Variants in SNX18 observed in about 807,000 individuals in gnomAD.
SNX18 encodes sorting nexin-18.
SNX18 carries 35 observed loss-of-function variants against 48.7 expected under a neutral mutation model. The ratio of observed to expected loss-of-function variants is 0.72; its 90% CI spans 0.55 to 0.95. The LOEUF is 0.95. SNX18 is among the 40% of genes least tolerant of loss of function. The pLI is 0.00. For synonymous variants in SNX18, 492 were observed against 384.7 expected, an observed-to-expected ratio of 1.28 and a Z score of -3.26; for missense variants, 824 against 871.0, an observed-to-expected ratio of 0.95 and a Z score of 0.68.
At position 54,543,412 on chromosome 5, in the gene SNX18, C is replaced by T. The variant is rs55696143; in HGVS notation, c.1855C>T (p.His619Tyr). ...KVTQKLEEAL[H>Y]KYDSV is the part of the protein sequence containing the mutation. ...TACCCAGAAGTTGGAAGAAGCTCTTCACAAATATGATAGTGTTTAATGACT... is the reference window on the plus strand; with the variant it reads ...TACCCAGAAGTTGGAAGAAGCTCTTTACAAATATGATAGTGTTTAATGACT... Residue 619 changes from histidine (H) to tyrosine (Y), a missense_variant, in exon 2 of 2, where the codon CAC becomes TAC. His to Tyr is a moderately conservative substitution (Grantham distance 83). This residue lies in a region of SNX18 where 443 missense variants were observed against 503.6 expected (regional missense o/e 0.88). Coordinates refer to ENST00000381410, the MANE Select transcript of SNX18 (RefSeq NM_001102575.2). 6.2e-7 allele frequency: 1 copy of T among 1,613,966 alleles called. No homozygotes were observed. Among genetic ancestry groups the T allele is most frequent in the Admixed American group, 1.7e-5 (1 of 59,992 alleles).
chr5:54,621,425 C>T, the SNX18 span, among the ~76,000 whole-genome samples: 1 of 152,158 alleles, frequency 6.6e-6, no homozygotes, highest in Admixed American at 6.5e-5. Context: ...GAATTTTGTT[C>T]TAGTAGCAGG....
the SNX18 span, among the ~76,000 whole-genome samples, chr5:54,594,597 C>T: frequency 0.71 from 107,562 of 152,148 alleles, 39,078 homozygotes; most frequent in East Asian, 0.85. Context: ...TTTTGGTACA[C>T]GTTAGGCAAA....
chr5:54,585,407 TCCATGGTTATACTTATAAAGCAG>T, the SNX18 span, among the ~76,000 whole-genome samples: 1 of 131,904 alleles, frequency 7.6e-6, no homozygotes, highest in Non-Finnish European at 1.5e-5. Context: ...GCAGGAAGAA[TCCATGGTTATACTTATAAAGCAG>T]CCTTTTGAAT....
At chr5:54,563,714 G>A in the SNX18 span, among the ~76,000 whole-genome samples, 5 of 152,090 alleles carry the variant, frequency 3.3e-5, no homozygotes, top group Admixed American at 2.0e-4. Flanking sequence ...AGTCTGATCT[G>A]ACCTCTAAAG....
At chr5:54,635,056 GA>G in the SNX18 span, among the ~76,000 whole-genome samples, 4 of 151,634 alleles carry the variant, frequency 2.6e-5, no homozygotes, top group Non-Finnish European at 5.9e-5. Flanking sequence ...TATTTTTCTA[GA>G]AAAATATATT....
chr5:54,619,750 T>G, the SNX18 span, among the ~76,000 whole-genome samples: 12 of 152,162 alleles, frequency 7.9e-5, no homozygotes, highest in Non-Finnish European at 1.6e-4. Flanking sequence ...CCTGTGCTTT[T>G]TCCAAAGAGA....
At chr5:54,529,294 A>G (rs980576032) in intron 1 of SNX18, among the ~76,000 whole-genome samples, 6 of 152,212 alleles carry the variant, frequency 3.9e-5, no homozygotes, top group South Asian at 2.1e-4. Context: ...TGGGTCACCA[A>G]TAGAGATGCC....
At chr5:54,593,759 A>G in the SNX18 span, among the ~76,000 whole-genome samples, 1 of 152,236 alleles carries the variant, frequency 6.6e-6, no homozygotes, top group East Asian at 1.9e-4. Flanking sequence ...TGATTTTGAC[A>G]GAGGTGCTAA....
At chr5:54,590,407 C>T in the SNX18 span, among the ~76,000 whole-genome samples, 1 of 152,140 alleles carries the variant, frequency 6.6e-6, no homozygotes, top group African/African-American at 2.4e-5. Flanking sequence ...GTTTTAGTGC[C>T]ATTCTTTGTT....
At chr5:54,623,255 A>T in the SNX18 span, among the ~76,000 whole-genome samples, 1 of 152,198 alleles carries the variant, frequency 6.6e-6, no homozygotes. Flanking sequence ...AGGCAGCATG[A>T]GAAGAGAGTT....
At chr5:54,531,125 G>A (rs1762247767) in intron 1 of SNX18, among the ~76,000 whole-genome samples, 1 of 152,054 alleles carries the variant, frequency 6.6e-6, no homozygotes, top group Non-Finnish European at 1.5e-5. Flanking sequence ...CTGAGGCAGG[G>A]CTTTTGGAAG....
intron 1 of SNX18, among the ~76,000 whole-genome samples, chr5:54,535,940 G>A (rs1195065833): frequency 1.3e-5 from 2 of 152,136 alleles, no homozygotes; most frequent in Admixed American, 6.5e-5. Context: ...ATTAGTTCCT[G>A]AGTGCACTTT....
intron 1 of SNX18, among the ~76,000 whole-genome samples, chr5:54,533,453 G>T (rs1342749349): frequency 6.6e-6 from 1 of 152,154 alleles, no homozygotes; most frequent in Non-Finnish European, 1.5e-5. Context: ...CTCCTAGGAG[G>T]CGTTGGGTAC....
At chr5:54,571,914 T>C in the SNX18 span, among the ~76,000 whole-genome samples, 1 of 152,206 alleles carries the variant, frequency 6.6e-6, no homozygotes, top group Non-Finnish European at 1.5e-5. Flanking sequence ...AGTGAATTTT[T>C]TGTGGCACCC....
chr5:54,635,263 A>G, the SNX18 span, among the ~76,000 whole-genome samples: 27 of 151,504 alleles, frequency 1.8e-4, no homozygotes, highest in Admixed American at 8.5e-4. Flanking sequence ...TATTAATATT[A>G]TAATACTATA....
the SNX18 span, among the ~76,000 whole-genome samples, chr5:54,627,750 T>C: frequency 6.6e-6 from 1 of 152,086 alleles, no homozygotes; most frequent in African/African-American, 2.4e-5. Context: ...GGGGCTGAGT[T>C]CACCAAAGAT....
At chr5:54,605,906 C>A in the SNX18 span, among the ~76,000 whole-genome samples, 21,694 of 152,194 alleles carry the variant, frequency 0.14, 1,938 homozygotes, top group South Asian at 0.21. Flanking sequence ...TCCAGCAATT[C>A]TCCTGCCTCT....
chr5:54,599,430 C>T, the SNX18 span, among the ~76,000 whole-genome samples: 1 of 152,058 alleles, frequency 6.6e-6, no homozygotes, highest in Non-Finnish European at 1.5e-5. Context: ...AGATTCAATG[C>T]TATTCCCATT....
chr5:54,519,891 G>C (rs12522213), intron 1 of SNX18: 124,369 of 1,458,538 alleles, frequency 0.085, 6,188 homozygotes, highest in East Asian at 0.17. Context: ...TTGAGACGAG[G>C]GTAGAATTAG....
Sources: gnomAD v4.1 joint callset for allele counts (sites outside exome capture counted in the v4.1 genomes callset) on GRCh38, gnomAD v4.1.1 for gene constraint, gnomAD v4.1.1 regional missense constraint, MANE v1.5 for transcripts, NCBI Gene and HGNC (gene_info 2026-07-23, HGNC 2026-07-21) for gene names.